ARSG: variants seen among roughly 807,000 people sequenced by gnomAD.
ARSG encodes arylsulfatase G.
Under a neutral mutation model 50.5 loss-of-function variants are expected in ARSG, and 37 were observed. The observed-to-expected ratio is 0.73, with a 90% CI of 0.56 to 0.96. The LOEUF is 0.96. Among genes scored for constraint, ARSG ranks in the 50% least tolerant of loss-of-function variants. The pLI is 0.00. For synonymous variants in ARSG, 225 were observed against 254.6 expected (o/e 0.88, Z 1.11); for missense variants, 629 against 675.3 (o/e 0.93, Z 0.76).
the ARSG span, chr17:68,430,232 C>G: frequency 4.7e-6 from 7 of 1,487,530 alleles, no homozygotes; most frequent in South Asian, 6.4e-5. Flanking sequence ...TCTCCACACC[C>G]AAGCGTCATT....
At chr17:68,379,529 C>T (rs1023077338) in intron 8 of ARSG, among the ~76,000 whole-genome samples, 1 of 144,512 alleles carries the variant, frequency 6.9e-6, no homozygotes. Context: ...TTCCTTGCAT[C>T]GGCCTCCCAG....
chr17:68,441,271 T>A, the ARSG span, among the ~76,000 whole-genome samples: 1 of 152,178 alleles, frequency 6.6e-6, no homozygotes, highest in East Asian at 1.9e-4. Flanking sequence ...GGAACGGGCA[T>A]GACACAAACA....
intron 8 of ARSG, among the ~76,000 whole-genome samples, chr17:68,374,672 T>C (rs2080054950): frequency 6.6e-6 from 1 of 151,794 alleles, no homozygotes; most frequent in African/African-American, 2.4e-5. Context: ...GCCAACATGG[T>C]GAAACCCCGT....
Position 68,420,580 on chromosome 17 carries a change from T to C in ARSG, c.*117T>C. The C allele has an allele frequency of 2.4e-6, 3 of 1,270,812 alleles. No individual in the cohort carries two copies. Among genetic ancestry groups the C allele is most frequent in the Non-Finnish European group, 3.3e-6 (3 of 905,714 alleles). The allele number at this position is 1,270,812 out of a possible 1,614,324, so 78.7% of individuals were successfully genotyped here. A position where few individuals can be genotyped will look rare whatever the true frequency, so the allele number is the denominator to read the frequency against. On this transcript the variant is annotated 3_prime_UTR_variant, in exon 12 of 12. Coordinates refer to ENST00000621439, the MANE Select transcript of ARSG (RefSeq NM_001267727.2). The stretch of plus-strand genomic sequence containing the variant: ...TTTAGTTTAGTCTTGGAGTTTAGTT[T>C]TGGAGTTAGCCTTGCATATCCCTTC...
At chr17:68,308,735 T>C (rs868994704) in intron 2 of ARSG, among the ~76,000 whole-genome samples, 5 of 152,232 alleles carry the variant, frequency 3.3e-5, no homozygotes, top group Middle Eastern at 6.8e-3. Context: ...TGCTGATTGG[T>C]GTGTTTACAA....
At chr17:68,372,592 C>T (rs1336081017) in intron 8 of ARSG, among the ~76,000 whole-genome samples, 2 of 152,172 alleles carry the variant, frequency 1.3e-5, no homozygotes, top group African/African-American at 4.8e-5. Flanking sequence ...ATCATGAGAA[C>T]AGCAAAGGGA....
the ARSG span, among the ~76,000 whole-genome samples, chr17:68,445,277 C>T: frequency 3.3e-5 from 5 of 152,170 alleles, no homozygotes; most frequent in Non-Finnish European, 7.3e-5. Flanking sequence ...ATTTCATGTG[C>T]CTTCTGTAGT....
rs56840354 is a variant in ARSG, at chr17:68,295,671, A to AT, written c.-552+4129dup. Among the ~76,000 whole-genome samples, 1,107 of 114,536 alleles carry AT rather than the reference A, an allele frequency of 9.7e-3. 24 individuals are homozygous for AT. Among genetic ancestry groups the AT allele is most frequent in the Middle Eastern group, 0.023 (5 of 218 alleles). 75.1% of individuals were successfully genotyped at this position (114,536 alleles called of 152,430 possible). On this transcript the variant is annotated intron_variant, in intron 1 of 11. Coordinates refer to ENST00000621439, the MANE Select transcript of ARSG (RefSeq NM_001267727.2). ...CGGCAAGACACCACATCTAAGACAA[A>AT]TTTTTTTTTTTTTTTTTTTTTTTTT...
intron 1 of ARSG, among the ~76,000 whole-genome samples, chr17:68,276,535 ACCT>A (rs1555751011): frequency 6.6e-6 from 1 of 150,426 alleles, no homozygotes; most frequent in East Asian, 2.0e-4. Flanking sequence ...TGCAGCCTTG[ACCT>A]CCCAGGCTCA....
At chr17:68,316,171 G>T (rs2077063692) in intron 2 of ARSG, among the ~76,000 whole-genome samples, 1 of 152,150 alleles carries the variant, frequency 6.6e-6, no homozygotes, top group South Asian at 2.1e-4. Flanking sequence ...TTATTGGCGA[G>T]GTCTCTCCTC....
Position 68,368,705 on chromosome 17 carries a change from G to C in ARSG, c.862G>C (p.Asp288His). ...GGTGGGCCAGATCAAGGACAAAGTTGACCACACAGTGAAGGAAAACACATT... is the reference window on the plus strand; with the variant it reads ...GGTGGGCCAGATCAAGGACAAAGTTCACCACACAGTGAAGGAAAACACATT... ...SLVGQIKDKV[D>H]HTVKENTFLW... is the part of the protein sequence containing the mutation. The change falls in exon 7 of 12, where the codon GAC becomes CAC. Residue 288 changes from aspartate (D) to histidine (H), a missense_variant. Asp to His is a moderately conservative substitution (Grantham distance 81, BLOSUM62 -1). Transcript: ENST00000621439. 6 of 1,613,898 alleles carry C rather than the reference G, an allele frequency of 3.7e-6. No homozygotes were observed. The highest frequency in any genetic ancestry group is 5.1e-6 in the Non-Finnish European group (6 of 1,179,960).
Position 68,420,629 on chromosome 17 carries a change from C to T in ARSG, c.*166C>T, listed in dbSNP as rs564355557. ...TCTGTATCCTGTCCCTCCTCCACGCCGACCCGAGAGCAGCTGAGCTGCGCT... is the reference window on the plus strand; with the variant it reads ...TCTGTATCCTGTCCCTCCTCCACGCTGACCCGAGAGCAGCTGAGCTGCGCT... On this transcript the variant is annotated 3_prime_UTR_variant, in exon 12 of 12. Transcript: ENST00000621439. 52 of 801,030 alleles carry T rather than the reference C, an allele frequency of 6.5e-5. No individual in the cohort carries two copies. The South Asian group carries it at 8.3e-4, about 13-fold the overall frequency. The allele number at this position is 801,030 out of a possible 1,614,324, so 49.6% of individuals were successfully genotyped here.
intron 4 of ARSG, among the ~76,000 whole-genome samples, chr17:68,347,456 C>T (rs1261847963): frequency 6.6e-6 from 1 of 152,186 alleles, no homozygotes; most frequent in East Asian, 1.9e-4. Context: ...GTTCTTTACA[C>T]CTCAGGGAAC....
intron 2 of ARSG, among the ~76,000 whole-genome samples, chr17:68,309,373 G>C (rs1390039456): frequency 6.6e-6 from 1 of 152,246 alleles, no homozygotes; most frequent in African/African-American, 2.4e-5. Context: ...GCAGCGGTGG[G>C]CTGAAGGGCT....
intron 10 of ARSG, 36 bp from the exon 11 acceptor site, chr17:68,401,324 A>C: frequency 6.3e-7 from 1 of 1,594,798 alleles, no homozygotes; most frequent in Non-Finnish European, 8.6e-7. Context: ...AGTTCTGCCA[A>C]TTTTTCTATT....
chr17:68,279,053 T>A (rs1253190085), intron 1 of ARSG, among the ~76,000 whole-genome samples: 1 of 152,076 alleles, frequency 6.6e-6, no homozygotes, highest in Non-Finnish European at 1.5e-5. Context: ...AAAACAGACA[T>A]GAAGAACCAG....
chr17:68,295,720 C>T (rs1555757939), intron 1 of ARSG, among the ~76,000 whole-genome samples: 1 of 137,702 alleles, frequency 7.3e-6, no homozygotes, highest in African/African-American at 2.7e-5. Context: ...TCCTCTGTTG[C>T]CCAGGCTGGA....
intron 2 of ARSG, among the ~76,000 whole-genome samples, chr17:68,313,679 C>CTTTTT (rs1464951846): frequency 0.012 from 509 of 40,732 alleles, 3 homozygotes; most frequent in Non-Finnish European, 0.023. Context: ...ATCTCTCTCT[C>CTTTTT]TCTCTTTTTT....
chr17:68,405,753 A>C (rs2081681956), intron 11 of ARSG, among the ~76,000 whole-genome samples: 3 of 152,104 alleles, frequency 2.0e-5, no homozygotes, highest in Admixed American at 2.0e-4. Flanking sequence ...TTTTATTAAT[A>C]TATTATGTCC....
Sources: allele counts gnomAD v4.1 joint callset (sites outside exome capture counted in the v4.1 genomes callset), GRCh38; gene constraint gnomAD v4.1.1; transcripts MANE v1.5; gene names NCBI Gene and HGNC (gene_info 2026-07-23, HGNC 2026-07-21).